The following TTC22 variants were observed in gnomAD, a reference collection of about 807,000 sequenced individuals.
TTC22 encodes tetratricopeptide repeat protein 22.
Under a neutral mutation model 48.2 loss-of-function variants are expected in TTC22, and 42 were observed. The observed-to-expected ratio is 0.87, with a 90% CI of 0.68 to 1.13. TTC22 has a LOEUF of 1.13. Ranked by LOEUF, TTC22 falls within the 50% of genes most tolerant of loss-of-function variation. TTC22 has a pLI of 0.00. For synonymous variants in TTC22, 345 were observed against 365.5 expected (o/e 0.94, Z 0.64); for missense variants, 784 against 807.0 (o/e 0.97, Z 0.34).
rs571893863 is a variant in TTC22 at position 54,796,841 on chromosome 1, G to A, written c.567+3756C>T. Among the ~76,000 whole-genome samples, 40 of 152,226 alleles carry A rather than the reference G, an allele frequency of 2.6e-4. No individual in the cohort carries two copies. In the East Asian group the frequency reaches 4.8e-3, roughly 18 times the overall value. On this transcript the variant is annotated intron_variant, in intron 1 of 6. Transcript: ENST00000371276. The stretch of plus-strand genomic sequence containing the variant: ...ACTCCTCTTGGGTGTTCAGCTCTAC[G>A]TCAGACATTGAGGAGGGTGGATGGG...
intron 1 of TTC22, among the ~76,000 whole-genome samples, chr1:54,798,142 G>T (rs75109746): frequency 0.013 from 1,979 of 152,334 alleles, 39 homozygotes; most frequent in African/African-American, 0.045. Context: ...AAGAGCAAAG[G>T]CTGTGCAGTC....
At chr1:54,798,631 T>C (rs991111724) in intron 1 of TTC22, among the ~76,000 whole-genome samples, 5 of 152,174 alleles carry the variant, frequency 3.3e-5, no homozygotes, top group African/African-American at 4.8e-5. Flanking sequence ...CAGGTAAGCA[T>C]AGTTAATGAA....
At chr1:54,790,220 T>C (rs990213870) in intron 1 of TTC22, among the ~76,000 whole-genome samples, 1 of 151,966 alleles carries the variant, frequency 6.6e-6, no homozygotes, top group Non-Finnish European at 1.5e-5. Flanking sequence ...TACTCGAAAA[T>C]CAAAATCAAA....
At chr1:54,794,375 A>G (rs576901494) in intron 1 of TTC22, among the ~76,000 whole-genome samples, 2 of 152,290 alleles carry the variant, frequency 1.3e-5, no homozygotes, top group South Asian at 4.1e-4. Flanking sequence ...ATTTACTTCA[A>G]AAGATGGCCC....
intron 1 of TTC22, among the ~76,000 whole-genome samples, chr1:54,795,647 TC>T (rs1375760700): frequency 2.0e-5 from 3 of 152,232 alleles, no homozygotes; most frequent in African/African-American, 7.2e-5. Context: ...TCTCAGCTCC[TC>T]CCGTGGGTCT....
chr1:54,782,968 C>CGATTTT (rs1379812674), intron 5 of TTC22, among the ~76,000 whole-genome samples: 5 of 152,096 alleles, frequency 3.3e-5, no homozygotes, highest in African/African-American at 1.2e-4. Flanking sequence ...ATGGCAGCAC[C>CGATTTT]GATTTTGTGA....
chr1:54,785,385 C>A (rs1314973366), intron 5 of TTC22: 2 of 284,672 alleles, frequency 7.0e-6, no homozygotes, highest in Middle Eastern at 1.3e-3. Context: ...TTCCACAAGG[C>A]GGAGAAGCCA....
Position 54,781,324 on chromosome 1 carries a change from C to G in TTC22, c.1629G>C (p.Leu543=). Residue 543 remains leucine (L), a synonymous_variant, in exon 7 of 7, where the codon CTG becomes CTC. Coordinates refer to ENST00000371276, the MANE Select transcript of TTC22 (RefSeq NM_001114108.2). ...CCATGGTCTCGAAGAGCAGCCGCAC[C>G]AGCGCCGGCCGTCCCTGGGCCACCA... ...RALVAQGRPA[L]VRLLFETMER... 2 of 1,429,128 alleles carry G rather than the reference C, an allele frequency of 1.4e-6. No individual in the cohort carries two copies. Among genetic ancestry groups the G allele is most frequent in the Non-Finnish European group, 1.8e-6 (2 of 1,102,730 alleles). The allele number at this position is 1,429,128 out of a possible 1,614,324, so 88.5% of individuals were successfully genotyped here.
rs144547920 is a variant in TTC22 at position 54,800,734 on chromosome 1, G to A, written c.430C>T (p.Leu144Phe). The A allele has an allele frequency of 2.2e-4, 335 of 1,545,864 alleles. No individual in the cohort carries two copies. Among genetic ancestry groups the A allele is most frequent in the Non-Finnish European group, 2.7e-4 (313 of 1,150,412 alleles). Reference protein sequence around the residue: ...EEPEAAGDPQLRAARCLAEQG... With the variant: ...EEPEAAGDPQFRAARCLAEQG... The stretch of plus-strand genomic sequence containing the variant: ...TCGGCCAGGCAGCGAGCGGCGCGGA[G>A]CTGGGGGTCCCCGGCGGCCTCGGGC... Residue 144 changes from leucine (L) to phenylalanine (F), a missense_variant, in exon 1 of 7, where the codon CTC (leucine) becomes TTC (phenylalanine). By Grantham distance (22) the Leu-to-Phe change is conservative (BLOSUM62 0). Coordinates refer to ENST00000371276, the MANE Select transcript of TTC22 (RefSeq NM_001114108.2).
rs749676470 is a variant in TTC22, at chr1:54,801,069, T to G, written c.95A>C (p.Asn32Thr). The stretch of plus-strand genomic sequence containing the variant: ...TGGGGCCGGCGAGCGCGGCTCGAAG[T>G]TCAACTGCATCTCCAGGTGAAAGTG... ...PGHFHLEMQL[N>T]FEPRSPAPQR... is the part of the protein sequence containing the mutation. The change falls in exon 1 of 7, where the codon AAC becomes ACC. Residue 32 changes from asparagine (N) to threonine (T), a missense_variant. Coordinates refer to ENST00000371276, the MANE Select transcript of TTC22 (RefSeq NM_001114108.2). 5 of 1,612,220 alleles carry G rather than the reference T, an allele frequency of 3.1e-6. No individual in the cohort carries two copies. Among genetic ancestry groups the G allele is most frequent in the Non-Finnish European group, 4.2e-6 (5 of 1,179,674 alleles).
At position 54,786,123 on chromosome 1, in the gene TTC22, G is replaced by T. The variant is rs550417521; in HGVS notation, c.880C>A (p.Gln294Lys). ...FGKAIEIAKN[Q>K]PPILNRLAKI... ...GCCAGGCGATTCAGGATGGGAGGTT[G>T]GTTCTTGGCAATCTCAATGGCCTAG... is the stretch of plus-strand genomic sequence containing the variant. Residue 294 changes from glutamine to lysine, a missense_variant, in exon 5 of 7, where the codon CAA becomes AAA. By Grantham distance (53) the Gln-to-Lys change is moderately conservative. Coordinates refer to ENST00000371276, the MANE Select transcript of TTC22 (RefSeq NM_001114108.2). 6.2e-7 allele frequency: 1 copy of T among 1,614,084 alleles called. No individual in the cohort carries two copies. Among genetic ancestry groups the T allele is most frequent in the Admixed American group, 1.7e-5 (1 of 60,020 alleles).
chr1:54,787,858 C>T (rs778651321), intron 2 of TTC22, 32 bp from the exon 3 acceptor site: 107 of 1,568,182 alleles, frequency 6.8e-5, no homozygotes, highest in Non-Finnish European at 9.0e-5. Context: ...GGTTGGGTGG[C>T]ACCCCTCCCG....
intron 1 of TTC22, among the ~76,000 whole-genome samples, chr1:54,790,494 G>A (rs1646341461): frequency 6.6e-6 from 1 of 152,214 alleles, no homozygotes; most frequent in South Asian, 2.1e-4. Context: ...ATGTATATTG[G>A]GACTTTAGCT....
intron 2 of TTC22, 26 bp from the exon 3 acceptor site, chr1:54,787,852 G>A: frequency 1.9e-6 from 3 of 1,576,578 alleles, no homozygotes; most frequent in Non-Finnish European, 2.6e-6. Context: ...AGATGTGGTT[G>A]GGTGGCACCC....
chr1:54,784,806 C>T (rs78948067), intron 5 of TTC22: 175,060 of 1,298,788 alleles, frequency 0.13, 12,772 homozygotes, highest in Non-Finnish European at 0.15. Context: ...CTGGGAGCTC[C>T]GAGTCGGCTT....
At chr1:54,785,531 G>C in intron 5 of TTC22, 1 of 452,640 alleles carries the variant, frequency 2.2e-6, no homozygotes, top group South Asian at 1.6e-5. Context: ...ACCTTACAGG[G>C]CTGGGTGTAG....
In TTC22 at chr1:54,800,786, C is replaced by A. The variant is rs755236299; in HGVS notation, c.378G>T (p.Leu126=). Residue 126 remains leucine, a synonymous_variant, in exon 1 of 7, where the codon CTG becomes CTT. Coordinates refer to ENST00000371276, the MANE Select transcript of TTC22 (RefSeq NM_001114108.2). ...EEEEEACAAR[L]ADLMGLAEEP... ...CCTCTGCCAGGCCCATGAGGTCGGCCAGCCGTGCGGCGCACGCCTCCTCCT... is the reference window on the plus strand; with the variant it reads ...CCTCTGCCAGGCCCATGAGGTCGGCAAGCCGTGCGGCGCACGCCTCCTCCT... 5.9e-5 allele frequency: 92 copies of A among 1,564,346 alleles called. No individual in the cohort carries two copies. Among genetic ancestry groups the A allele is most frequent in the Admixed American group, 3.4e-4 (18 of 53,080 alleles).
chr1:54,787,868 G>A (rs760944892), intron 2 of TTC22, 42 bp from the exon 3 acceptor site: 22 of 1,549,784 alleles, frequency 1.4e-5, no homozygotes, highest in Admixed American at 9.0e-5. Context: ...CACCCCTCCC[G>A]GCTGTCCTGT....
chr1:54,787,960 C>A (rs1420363195), intron 2 of TTC22, 82 bp downstream of exon 2: 1 of 1,525,064 alleles, frequency 6.6e-7, no homozygotes, highest in Non-Finnish European at 9.1e-7. Flanking sequence ...GCCCAGCCAC[C>A]TCTGCCCTTA....
Sources: gnomAD v4.1 joint callset for allele counts (sites outside exome capture counted in the v4.1 genomes callset) on GRCh38, gnomAD v4.1.1 for gene constraint, MANE v1.5 for transcripts, NCBI Gene and HGNC (gene_info 2026-07-23, HGNC 2026-07-21) for gene names.